Variants in ROBO1 observed in about 807,000 individuals in gnomAD.
ROBO1 encodes the protein roundabout homolog 1.
A neutral mutation model predicts 195.9 loss-of-function variants in ROBO1; 149 were observed. The observed-to-expected ratio is 0.76, with a 90% CI of 0.67 to 0.87. The LOEUF (loss-of-function observed/expected upper bound fraction) is 0.87, where lower values mean the gene tolerates loss of function less well. Among genes scored for constraint, ROBO1 ranks in the 40% least tolerant of loss-of-function variants. ROBO1 has a pLI of 0.00. For missense variants in ROBO1, 1,933 were observed against 2,068.3 expected (o/e 0.93, Z 1.27); for synonymous variants, 816 against 733.2 (o/e 1.11, Z -1.82).
At chr3:79,429,831 T>C (rs1258691646) in intron 2 of ROBO1, among the ~76,000 whole-genome samples, 1 of 152,166 alleles carries the variant, frequency 6.6e-6, no homozygotes, top group African/African-American at 2.4e-5. Flanking sequence ...TACAAGCAAG[T>C]AGCAAACTAT....
chr3:79,450,603 CTTAT>C (rs1198442487), intron 2 of ROBO1, among the ~76,000 whole-genome samples: 1 of 152,040 alleles, frequency 6.6e-6, no homozygotes, highest in African/African-American at 2.4e-5. Context: ...ACTTTGATGG[CTTAT>C]TTGACACTGA....
intron 2 of ROBO1, among the ~76,000 whole-genome samples, chr3:79,560,562 CAT>C (rs1942880291): frequency 2.5e-5 from 2 of 79,650 alleles, no homozygotes. Context: ...TATATATACA[CAT>C]ACACATACAT....
chr3:79,454,568 T>G (rs186321966), intron 2 of ROBO1, among the ~76,000 whole-genome samples: 297 of 152,196 alleles, frequency 2.0e-3, no homozygotes, highest in Non-Finnish European at 3.4e-3. Flanking sequence ...GAGATGTCAT[T>G]CAATGGTAAA....
At chr3:78,603,272 T>C (rs1179673311) in intron 29 of ROBO1, among the ~76,000 whole-genome samples, 1 of 152,156 alleles carries the variant, frequency 6.6e-6, no homozygotes, top group Non-Finnish European at 1.5e-5. Flanking sequence ...GTTCCCTCAA[T>C]AGACCTTCGG....
chr3:78,701,362 A>G (rs2081416927), intron 8 of ROBO1, among the ~76,000 whole-genome samples: 1 of 152,206 alleles, frequency 6.6e-6, no homozygotes, highest in Non-Finnish European at 1.5e-5. Flanking sequence ...AGAAACAATG[A>G]TAAAGCAGCC....
chr3:78,827,473 C>T (rs1392113669), intron 4 of ROBO1, among the ~76,000 whole-genome samples: 1 of 152,120 alleles, frequency 6.6e-6, no homozygotes, highest in Non-Finnish European at 1.5e-5. Flanking sequence ...CAGGTGCATG[C>T]CAGTGGTCTT....
intron 2 of ROBO1, among the ~76,000 whole-genome samples, chr3:79,561,113 T>C (rs1942904448): frequency 6.6e-6 from 1 of 152,152 alleles, no homozygotes; most frequent in African/African-American, 2.4e-5. Flanking sequence ...AAAAAATATA[T>C]GACCTTCTTT....
chr3:78,911,220 T>A (rs1160674102), intron 4 of ROBO1, among the ~76,000 whole-genome samples: 1 of 152,016 alleles, frequency 6.6e-6, no homozygotes, highest in African/African-American at 2.4e-5. Flanking sequence ...GATAATTGCA[T>A]CCATACTTTG....
intron 18 of ROBO1, among the ~76,000 whole-genome samples, chr3:78,654,488 T>A (rs1284202882): frequency 1.3e-5 from 2 of 152,226 alleles, no homozygotes; most frequent in African/African-American, 4.8e-5. Context: ...ATTCTTCTTA[T>A]CCCTAATACA....
At chr3:79,569,323 T>C (rs1426711634) in intron 2 of ROBO1, among the ~76,000 whole-genome samples, 2 of 152,218 alleles carry the variant, frequency 1.3e-5, no homozygotes, top group East Asian at 1.9e-4. Flanking sequence ...ACATTACTAA[T>C]AGCTTTTATG....
chr3:79,032,923 G>A (rs894789915), intron 3 of ROBO1, among the ~76,000 whole-genome samples: 3 of 152,000 alleles, frequency 2.0e-5, no homozygotes, highest in Admixed American at 6.5e-5. Flanking sequence ...GCTGGAAAAT[G>A]AGAAATAAAA....
At chr3:79,628,721 A>C (rs992917491) in intron 1 of ROBO1, among the ~76,000 whole-genome samples, 3 of 152,186 alleles carry the variant, frequency 2.0e-5, no homozygotes, top group Admixed American at 6.5e-5. Flanking sequence ...GAATTAAAAA[A>C]CAGGATCCAA....
At chr3:78,664,193 T>A (rs1007692626) in intron 14 of ROBO1, among the ~76,000 whole-genome samples, 1 of 152,302 alleles carries the variant, frequency 6.6e-6, no homozygotes, top group South Asian at 2.1e-4. Flanking sequence ...AAGAAACGTA[T>A]GACAATGTAA....
chr3:79,567,254 G>A (rs1402683022), intron 2 of ROBO1, among the ~76,000 whole-genome samples: 1 of 152,134 alleles, frequency 6.6e-6, no homozygotes, highest in Non-Finnish European at 1.5e-5. Flanking sequence ...GTCTATTGGA[G>A]TGTAGAGAAT....
At chr3:79,543,844 C>G (rs371954157) in intron 2 of ROBO1, among the ~76,000 whole-genome samples, 2 of 152,180 alleles carry the variant, frequency 1.3e-5, no homozygotes, top group South Asian at 2.1e-4. Context: ...ATGCAAGGTA[C>G]TTATGTGTAT....
chr3:79,000,822 G>A (rs1431401718), intron 3 of ROBO1, among the ~76,000 whole-genome samples: 3 of 152,076 alleles, frequency 2.0e-5, no homozygotes, highest in Non-Finnish European at 1.5e-5. Context: ...ACATGCACAC[G>A]TATGTTTACT....
intron 2 of ROBO1, among the ~76,000 whole-genome samples, chr3:79,147,614 A>G (rs552975609): frequency 9.9e-5 from 15 of 152,098 alleles, no homozygotes; most frequent in African/African-American, 3.6e-4. Context: ...GTCCTTGAAC[A>G]GAAAAGTACT....
At chr3:79,607,786 G>T (rs1304159300) in intron 1 of ROBO1, among the ~76,000 whole-genome samples, 3 of 152,048 alleles carry the variant, frequency 2.0e-5, no homozygotes, top group Middle Eastern at 6.8e-3. Flanking sequence ...CCTCTCTCAT[G>T]CTGTCTGTTC....
chr3:78,660,998 T>TG (rs1559709992), intron 16 of ROBO1, 32 bp downstream of exon 16: 9 of 1,432,588 alleles, frequency 6.3e-6, no homozygotes, highest in Non-Finnish European at 8.8e-6. Context: ...TATACTGCAA[T>TG]GCATGGAAAT....
Sources: gnomAD v4.1 joint callset for allele counts (sites outside exome capture counted in the v4.1 genomes callset) on GRCh38, gnomAD v4.1.1 for gene constraint, MANE v1.5 for transcripts, NCBI Gene and HGNC (gene_info 2026-07-23, HGNC 2026-07-21) for gene names.